FBXL7: variants seen among roughly 807,000 people sequenced by gnomAD.
FBXL7 encodes F-box/LRR-repeat protein 7.
Under a neutral mutation model 38.3 loss-of-function variants are expected in FBXL7, and 12 were observed. That is an observed-to-expected ratio of 0.31 (90% confidence interval 0.20 to 0.51). The LOEUF (loss-of-function observed/expected upper bound fraction) is 0.51. Among genes scored for constraint, FBXL7 ranks in the 20% least tolerant of loss-of-function variants. The probability of loss-of-function intolerance (pLI) is 0.98; values close to 1 mark genes in which losing one functional copy is unlikely to be tolerated. For missense variants in FBXL7, 567 were observed against 676.4 expected, an observed-to-expected ratio of 0.84 and a Z score of 1.79; for synonymous variants, 297 against 300.9, an observed-to-expected ratio of 0.99 and a Z score of 0.13.
chr5:15,921,017 T>G (rs1741726233), intron 2 of FBXL7, among the ~76,000 whole-genome samples: 1 of 152,204 alleles, frequency 6.6e-6, no homozygotes, highest in African/African-American at 2.4e-5. Flanking sequence ...TCCTCTGTCT[T>G]TCCTCGAGAG....
chr5:15,789,745 C>T (rs988791163), intron 2 of FBXL7, among the ~76,000 whole-genome samples: 1 of 152,188 alleles, frequency 6.6e-6, no homozygotes, highest in African/African-American at 2.4e-5. Flanking sequence ...TTCCCTGACT[C>T]TGTTCCTATG....
intron 2 of FBXL7, among the ~76,000 whole-genome samples, chr5:15,786,267 C>T (rs753498261): frequency 2.0e-5 from 3 of 151,798 alleles, no homozygotes; most frequent in Non-Finnish European, 2.9e-5. Context: ...TTCCTCCTTC[C>T]CTCCCTCCCT....
At chr5:15,735,657 A>G (rs1735730047) in intron 2 of FBXL7, among the ~76,000 whole-genome samples, 1 of 152,238 alleles carries the variant, frequency 6.6e-6, no homozygotes, top group Admixed American at 6.5e-5. Flanking sequence ...GGATTTTAGA[A>G]TAGAGGTTAA....
At chr5:15,718,323 T>C (rs1744100438) in intron 2 of FBXL7, among the ~76,000 whole-genome samples, 1 of 152,184 alleles carries the variant, frequency 6.6e-6, no homozygotes, top group Non-Finnish European at 1.5e-5. Flanking sequence ...AAACGGCAAA[T>C]TCCAAAGGGT....
intron 1 of FBXL7, among the ~76,000 whole-genome samples, chr5:15,533,521 A>G (rs1737486390): frequency 1.3e-5 from 2 of 152,170 alleles, no homozygotes; most frequent in Admixed American, 6.5e-5. Context: ...CTGAGTCAGG[A>G]TACTTTATAA....
intron 1 of FBXL7, among the ~76,000 whole-genome samples, chr5:15,514,107 G>A (rs1365954536): frequency 6.6e-6 from 1 of 152,132 alleles, no homozygotes; most frequent in Non-Finnish European, 1.5e-5. Context: ...ATAAAAACAG[G>A]AAAAGGATCA....
At chr5:15,714,922 A>AT (rs1743994601) in intron 2 of FBXL7, among the ~76,000 whole-genome samples, 1 of 150,734 alleles carries the variant, frequency 6.6e-6, no homozygotes, top group African/African-American at 2.4e-5. Context: ...AAGTAGAGAG[A>AT]TTGGAGGTGC....
chr5:15,751,261 C>G (rs997690008), intron 2 of FBXL7, among the ~76,000 whole-genome samples: 1 of 150,608 alleles, frequency 6.6e-6, no homozygotes, highest in African/African-American at 2.4e-5. Context: ...TTTTTCTTTT[C>G]ACTTTTTCTT....
chr5:15,870,833 C>T (rs1012206473), intron 2 of FBXL7, among the ~76,000 whole-genome samples: 1 of 152,132 alleles, frequency 6.6e-6, no homozygotes, highest in Non-Finnish European at 1.5e-5. Flanking sequence ...AGATAAAACT[C>T]CCATCTCACT....
chr5:15,605,862 G>C (rs920601562), intron 1 of FBXL7, among the ~76,000 whole-genome samples: 1 of 152,090 alleles, frequency 6.6e-6, no homozygotes, highest in Non-Finnish European at 1.5e-5. Context: ...TATGTCTTTG[G>C]CCTTCTTAGA....
In FBXL7 at chr5:15,610,948, T is replaced by C. The variant is rs547667684; in HGVS notation, c.38-5035T>C. Among the ~76,000 whole-genome samples the C allele has an allele frequency of 3.3e-5, 5 of 152,272 alleles. No homozygotes were observed. The East Asian group carries it at 9.6e-4, about 29-fold the overall frequency. Reference sequence around the variant, plus strand: ...CTATTAATTTGCCCAAAACTAATAATTGGCCAATCCAGATACAAACCCAGG... The same window carrying C: ...CTATTAATTTGCCCAAAACTAATAACTGGCCAATCCAGATACAAACCCAGG... On this transcript the variant is annotated intron_variant, in intron 1 of 3. Transcript: ENST00000504595.
intron 2 of FBXL7, among the ~76,000 whole-genome samples, chr5:15,868,008 G>T (rs1739789630): frequency 6.6e-6 from 1 of 151,834 alleles, no homozygotes; most frequent in Non-Finnish European, 1.5e-5. Flanking sequence ...GGAGGCTGAG[G>T]CAGGAGAATC....
chr5:15,759,662 T>A (rs1208445423), intron 2 of FBXL7, among the ~76,000 whole-genome samples: 1 of 152,220 alleles, frequency 6.6e-6, no homozygotes, highest in Non-Finnish European at 1.5e-5. Context: ...TGTTCTCTGA[T>A]AGGTATAGAT....
intron 2 of FBXL7, among the ~76,000 whole-genome samples, chr5:15,646,375 A>G (rs1222307917): frequency 1.3e-5 from 2 of 152,150 alleles, no homozygotes; most frequent in African/African-American, 4.8e-5. Flanking sequence ...TTATATTGCT[A>G]GTAAGTGGTC....
At chr5:15,626,789 C>A (rs980616647) in intron 2 of FBXL7, among the ~76,000 whole-genome samples, 3 of 152,128 alleles carry the variant, frequency 2.0e-5, no homozygotes, top group African/African-American at 7.2e-5. Context: ...CAGCCATAGA[C>A]ATTATGGTTC....
chr5:15,581,586 T>C (rs1739142381), intron 1 of FBXL7, among the ~76,000 whole-genome samples: 1 of 152,224 alleles, frequency 6.6e-6, no homozygotes, highest in African/African-American at 2.4e-5. Context: ...TATGGAATCT[T>C]CTGTCTTTGC....
chr5:15,730,248 T>C (rs930414961), intron 2 of FBXL7, among the ~76,000 whole-genome samples: 9 of 152,200 alleles, frequency 5.9e-5, no homozygotes. Context: ...TTCGTGTATT[T>C]TTCTCTTGCA....
At chr5:15,779,104 G>A (rs1736929537) in intron 2 of FBXL7, among the ~76,000 whole-genome samples, 1 of 152,028 alleles carries the variant, frequency 6.6e-6, no homozygotes, top group South Asian at 2.1e-4. Context: ...GACAAGCCAT[G>A]CCATTAAACA....
intron 2 of FBXL7, among the ~76,000 whole-genome samples, chr5:15,644,368 A>G (rs1415807471): frequency 6.6e-6 from 1 of 150,812 alleles, no homozygotes; most frequent in African/African-American, 2.4e-5. Flanking sequence ...CCAGCTACTC[A>G]GGAGGCTGAG....
Sources: gnomAD v4.1 joint callset for allele counts (sites outside exome capture counted in the v4.1 genomes callset) on GRCh38, gnomAD v4.1.1 for gene constraint, MANE v1.5 for transcripts, NCBI Gene and HGNC (gene_info 2026-07-23, HGNC 2026-07-21) for gene names.